The following SF3B3 variants were observed in gnomAD, a reference collection of about 807,000 sequenced individuals.
SF3B3 encodes the protein SAP 130.
A neutral mutation model predicts 139.2 loss-of-function variants in SF3B3; 33 were observed. That is an observed-to-expected ratio of 0.24 (90% confidence interval 0.18 to 0.32). SF3B3 has a LOEUF of 0.32. Ranked by LOEUF, SF3B3 falls within the 10% of genes least tolerant of loss-of-function variation. The probability of loss-of-function intolerance (pLI) is 1.00; values close to 1 mark genes in which losing one functional copy is unlikely to be tolerated. For missense variants in SF3B3, 818 were observed against 1,509.4 expected (o/e 0.54, Z 7.59); for synonymous variants, 596 against 563.6 (o/e 1.06, Z -0.81).
intron 21 of SF3B3, 29 bp from the exon 22 acceptor site, chr16:70,568,254 A>G: frequency 1.9e-6 from 3 of 1,539,306 alleles, no homozygotes; most frequent in Non-Finnish European, 2.7e-6. Flanking sequence ...GATTACACCC[A>G]CCATCACTAT....
chr16:70,559,650 GT>G (rs1385986652), intron 15 of SF3B3, among the ~76,000 whole-genome samples: 1 of 152,074 alleles, frequency 6.6e-6, no homozygotes, highest in Non-Finnish European at 1.5e-5. Context: ...TTGTGGCACT[GT>G]ACTCCAGCCT....
chr16:70,565,561 C>A, intron 20 of SF3B3, 37 bp downstream of exon 20: 2 of 1,579,918 alleles, frequency 1.3e-6, no homozygotes, highest in South Asian at 2.3e-5. Context: ...GATTTTAAGT[C>A]CCATTGAATT....
rs918636588 is a variant in SF3B3, at chr16:70,573,184, C to T, written c.*1371C>T. 3 of 152,150 alleles carry T rather than the reference C, an allele frequency of 2.0e-5. No individual in the cohort carries two copies. The highest frequency in any genetic ancestry group is 1.3e-4 in the Admixed American group (2 of 15,270). 9.4% of individuals were successfully genotyped at this position (152,150 alleles called of 1,614,324 possible). A position where few individuals can be genotyped will look rare whatever the true frequency, so the allele number is the denominator to read the frequency against. ...GAGAGACCCAGGTTTTGCCAGGAAT[C>T]GAATCCCTAAATAACATGTTTTTTT... On this transcript the variant is annotated 3_prime_UTR_variant, in exon 26 of 26. Transcript: ENST00000302516.
At chr16:70,565,329 T>A in intron 19 of SF3B3, 39 bp from the exon 20 acceptor site, 3 of 1,613,594 alleles carry the variant, frequency 1.9e-6, no homozygotes, top group Non-Finnish European at 2.5e-6. Flanking sequence ...CTCTGAGTTT[T>A]GACTAAGGCC....
At chr16:70,534,597 G>A (rs1353747267) in intron 5 of SF3B3, among the ~76,000 whole-genome samples, 1 of 152,180 alleles carries the variant, frequency 6.6e-6, no homozygotes, top group South Asian at 2.1e-4. Context: ...GGAGAATCTA[G>A]GAGGTGGAGC....
intron 11 of SF3B3, 108 bp from the exon 12 acceptor site, chr16:70,554,338 A>G (rs1405639211): frequency 2.5e-5 from 26 of 1,036,344 alleles, no homozygotes; most frequent in Non-Finnish European, 3.6e-5. Context: ...ATAACTACAC[A>G]TAGAAGAACT....
chr16:70,535,274 C>A, intron 5 of SF3B3, 34 bp from the exon 6 acceptor site: 3 of 1,150,820 alleles, frequency 2.6e-6, no homozygotes, highest in Non-Finnish European at 3.8e-6. Context: ...ATGTCTGAGT[C>A]AAAGTCACTG....
chr16:70,553,057 C>T (rs948325728), intron 11 of SF3B3, among the ~76,000 whole-genome samples: 1 of 152,242 alleles, frequency 6.6e-6, no homozygotes, highest in South Asian at 2.1e-4. Flanking sequence ...CAGGCGCCCA[C>T]CACCACACCC....
In SF3B3 at chr16:70,548,355, C is replaced by G; in HGVS notation, c.1330-15C>G. The G allele has an allele frequency of 6.2e-7, 1 of 1,612,820 alleles. No individual in the cohort carries two copies. On this transcript the variant is annotated splice_polypyrimidine_tract_variant and intron_variant, in intron 10 of 25. Coordinates refer to ENST00000302516, the MANE Select transcript of SF3B3 (RefSeq NM_012426.5). ...CATGCTCACTGGATCTGTGGCTTCC[C>G]TCTTCTCCTGTCAGGTGTCAGAAAT...
chr16:70,576,768 C>T lies in SF3B3; in HGVS notation c.*4955C>T, dbSNP rs1214269762. The T allele has an allele frequency of 6.6e-6, 1 of 152,206 alleles. No individual in the cohort carries two copies. Among genetic ancestry groups the T allele is most frequent in the East Asian group, 1.9e-4 (1 of 5,196 alleles). The allele number at this position is 152,206 out of a possible 1,614,324, so 9.4% of individuals were successfully genotyped here. ...CCATGAAGAGAGCACTGTATACAGT[C>T]AGATGACCTGGGCTCACTAGCCTCT... On this transcript the variant is annotated 3_prime_UTR_variant, in exon 26 of 26. Coordinates refer to ENST00000302516, the MANE Select transcript of SF3B3 (RefSeq NM_012426.5).
chr16:70,545,536 G>A (rs941749989), intron 10 of SF3B3, among the ~76,000 whole-genome samples: 2 of 152,142 alleles, frequency 1.3e-5, no homozygotes, highest in African/African-American at 4.8e-5. Flanking sequence ...ATGCTTTCTA[G>A]TGAGGGCCCT....
At chr16:70,528,162 C>CTTTTTT (rs760087242) in intron 2 of SF3B3, among the ~76,000 whole-genome samples, 11 of 122,344 alleles carry the variant, frequency 9.0e-5, no homozygotes, top group Admixed American at 1.7e-4. Context: ...GAGAAGTTTT[C>CTTTTTT]TTTTTTTTTT....
At chr16:70,568,954 C>T in intron 22 of SF3B3, 89 bp from the exon 23 acceptor site, 1 of 892,454 alleles carries the variant, frequency 1.1e-6, no homozygotes, top group East Asian at 2.6e-5. Context: ...CTGTGGCTGA[C>T]TTGCAAAGAC....
rs771728069 is a variant in SF3B3, at chr16:70,548,431, G to A, written c.1391G>A (p.Arg464Gln). The A allele has an allele frequency of 5.6e-6, 9 of 1,613,738 alleles. No individual in the cohort carries two copies. Among genetic ancestry groups the A allele is most frequent in the Non-Finnish European group, 6.8e-6 (8 of 1,179,946 alleles). The part of the protein sequence containing the change: ...GNPNAVWTVR[R>Q]HIEDEFDAYI... ...CCCAACGCTGTCTGGACAGTGCGTC[G>A]ACACATTGAAGGTAAGCAGCTTTTT... is the stretch of plus-strand genomic sequence containing the variant. Residue 464 changes from arginine to glutamine, a missense_variant, in exon 11 of 26, where the codon CGA (arginine) becomes CAA (glutamine). Physicochemically the swap from Arg to Gln is conservative, Grantham distance 43. Coordinates refer to ENST00000302516, the MANE Select transcript of SF3B3 (RefSeq NM_012426.5).
intron 12 of SF3B3, 137 bp from the exon 13 acceptor site, chr16:70,554,914 T>C (rs1420204751): frequency 2.5e-6 from 2 of 807,936 alleles, no homozygotes; most frequent in Admixed American, 5.7e-5. Flanking sequence ...ACTAACTCTT[T>C]TGTCTTTGAT....
chr16:70,554,223 CAAGA>C (rs1189076847), intron 11 of SF3B3: 1 of 423,050 alleles, frequency 2.4e-6, no homozygotes, highest in Non-Finnish European at 4.3e-6. Context: ...GCAGATGTCT[CAAGA>C]AAATATTGAG....
rs1275683048 is a variant in SF3B3 at position 70,528,626 on chromosome 16, AT to A, written c.71-238del. ...AGGCACAGGCCATCACACCTGACTA[AT>A]TTTTTTTTGAGACGGAGTTTTGCTC... On this transcript the variant is annotated intron_variant, in intron 2 of 25. Transcript: ENST00000302516. 2.7e-5 allele frequency among the ~76,000 whole-genome samples: 4 copies of A among 149,260 alleles called. No individual in the cohort carries two copies. In the East Asian group the frequency reaches 6.0e-4, roughly 23 times the overall value.
chr16:70,526,353 G>A (rs773026633), intron 1 of SF3B3, among the ~76,000 whole-genome samples: 31 of 151,942 alleles, frequency 2.0e-4, no homozygotes, highest in Non-Finnish European at 2.1e-4. Flanking sequence ...GACTACAGGC[G>A]CACAGCACCA....
At chr16:70,541,570 TTAATA>T (rs1191723124) in intron 8 of SF3B3, 94 bp from the exon 9 acceptor site, 14 of 946,626 alleles carry the variant, frequency 1.5e-5, no homozygotes, top group Non-Finnish European at 2.1e-5. Flanking sequence ...CAATAGTATC[TTAATA>T]TAATCAAATA....
Sources: allele counts gnomAD v4.1 joint callset (sites outside exome capture counted in the v4.1 genomes callset), GRCh38; gene constraint gnomAD v4.1.1; transcripts MANE v1.5; gene names NCBI Gene and HGNC (gene_info 2026-07-23, HGNC 2026-07-21).